TRERF1: variants seen among roughly 807,000 people sequenced by gnomAD.
The protein encoded by TRERF1 is transcriptional-regulating factor 1.
TRERF1 carries 27 observed loss-of-function variants against 122.9 expected under a neutral mutation model. The observed-to-expected ratio is 0.22, with a 90% CI of 0.16 to 0.30. The LOEUF (loss-of-function observed/expected upper bound fraction) is 0.30, where lower values mean the gene tolerates loss of function less well. Ranked by LOEUF, TRERF1 falls within the 10% of genes least tolerant of loss-of-function variation. The pLI, the probability that TRERF1 is intolerant of heterozygous loss-of-function variation, is 1.00. For synonymous variants in TRERF1, 636 were observed against 641.7 expected (o/e 0.99, Z 0.13); for missense variants, 1,248 against 1,560.3 (o/e 0.80, Z 3.37).
intron 3 of TRERF1, among the ~76,000 whole-genome samples, chr6:42,339,831 T>G (rs1186336703): frequency 1.3e-5 from 2 of 152,238 alleles, no homozygotes; most frequent in Non-Finnish European, 2.9e-5. Context: ...ACACTACCTG[T>G]GGCTGAGCCC....
chr6:42,392,000 G>A (rs1181734695), intron 2 of TRERF1, among the ~76,000 whole-genome samples: 1 of 152,202 alleles, frequency 6.6e-6, no homozygotes, highest in East Asian at 1.9e-4. Context: ...AATCCAAACA[G>A]CTGAAGCCCA....
chr6:42,450,317 C>T (rs905095037), intron 2 of TRERF1, among the ~76,000 whole-genome samples: 1 of 152,202 alleles, frequency 6.6e-6, no homozygotes, highest in Non-Finnish European at 1.5e-5. Context: ...GCACCTGGAC[C>T]GGTTTTCAGG....
rs1003605314 is a variant in TRERF1 at position 42,259,514 on chromosome 6, G to A, written c.2094C>T (p.Leu698=). 2.2e-5 allele frequency: 36 copies of A among 1,612,770 alleles called. No individual in the cohort carries two copies. Among genetic ancestry groups the A allele is most frequent in the Non-Finnish European group, 2.8e-5 (33 of 1,179,756 alleles). ...GGGGCAGCTCGTGGGTGGGGTCCAG[G>A]AGCAGGTGGTCCCCGAGGACGCGCG... The change falls in exon 9 of 18, where the codon CTC becomes CTT. Residue 698 remains leucine (L), a synonymous_variant. Transcript: ENST00000372922. The surrounding 1 kb of genome is among the most constrained non-coding windows in gnomAD (Gnocchi z 4.9).
In TRERF1 at chr6:42,263,832, T is replaced by C. The variant is rs1386187853; in HGVS notation, c.1636-264A>G. 6.6e-6 allele frequency among the ~76,000 whole-genome samples: 1 copy of C among 152,236 alleles called. No homozygotes were observed. The highest frequency in any genetic ancestry group is 1.5e-5 in the Non-Finnish European group (1 of 68,036). On this transcript the variant is annotated intron_variant, in intron 7 of 17. Coordinates refer to ENST00000372922, the Ensembl canonical transcript of TRERF1. This position sits in a 1 kb window ranked among gnomAD's most constrained non-coding sequence, Gnocchi z 5.6. The stretch of plus-strand genomic sequence containing the variant: ...AAACTATTTTAAAAAAATTGTGTGG[T>C]TGTCATGCTTTTAAAGAAAGGGACA...
At chr6:42,320,918 T>G (rs562027733) in intron 3 of TRERF1, among the ~76,000 whole-genome samples, 4 of 151,950 alleles carry the variant, frequency 2.6e-5, no homozygotes, top group Non-Finnish European at 5.9e-5. Context: ...ATATGGAAGA[T>G]TAGAAACTGA....
intron 2 of TRERF1, among the ~76,000 whole-genome samples, chr6:42,408,261 GTGTGTATGTATATATACATACACA>G (rs1562152899): frequency 7.6e-6 from 1 of 131,544 alleles, no homozygotes; most frequent in African/African-American, 2.9e-5. Context: ...ATACACATGT[GTGTGTATGTATATATACATACACA>G]TGTGTGTGTA....
At chr6:42,310,909 G>C (rs1336466227) in intron 3 of TRERF1, among the ~76,000 whole-genome samples, 1 of 152,190 alleles carries the variant, frequency 6.6e-6, no homozygotes, top group African/African-American at 2.4e-5. Context: ...CCAATCCCAA[G>C]GGCAAGGCAA....
chr6:42,402,420 G>T (rs991205655), intron 2 of TRERF1, among the ~76,000 whole-genome samples: 2 of 152,146 alleles, frequency 1.3e-5, no homozygotes, highest in Non-Finnish European at 2.9e-5. Context: ...CGGGTGCAGG[G>T]CTGTGAGCCT....
At chr6:42,406,246 C>G (rs1780162225) in intron 2 of TRERF1, among the ~76,000 whole-genome samples, 1 of 152,188 alleles carries the variant, frequency 6.6e-6, no homozygotes. Context: ...CAACTGCTTC[C>G]CGAAAATCAG....
At chr6:42,251,339 T>G (rs1775781209) in intron 13 of TRERF1, among the ~76,000 whole-genome samples, 1 of 152,198 alleles carries the variant, frequency 6.6e-6, no homozygotes, top group African/African-American at 2.4e-5. Flanking sequence ...ACATGTTCAT[T>G]GCAGAAAAAG....
chr6:42,228,056 A>C lies in TRERF1; in HGVS notation c.*289T>G, dbSNP rs1012701106. 2.5e-5 allele frequency: 7 copies of C among 285,140 alleles called. No homozygotes were observed. The highest frequency in any genetic ancestry group is 4.5e-5 in the Non-Finnish European group (7 of 154,154). 17.7% of individuals were successfully genotyped at this position (285,140 alleles called of 1,614,324 possible). ...TGACATCTGAATGCAATGGAACATG[A>C]AGGTCAGCTTCAGTCCCTACTGGGA... On this transcript the variant is annotated 3_prime_UTR_variant, in exon 18 of 18. Coordinates refer to ENST00000372922, the Ensembl canonical transcript of TRERF1. This position sits in a 1 kb window ranked among gnomAD's most constrained non-coding sequence, Gnocchi z 4.2.
intron 2 of TRERF1, among the ~76,000 whole-genome samples, chr6:42,407,770 A>T (rs771777708): frequency 1.2e-4 from 19 of 152,046 alleles, no homozygotes; most frequent in Non-Finnish European, 2.8e-4. Context: ...ACAGAGAAAA[A>T]AAAAACCTAA....
chr6:42,349,396 C>A (rs1768966521), intron 3 of TRERF1, among the ~76,000 whole-genome samples: 1 of 151,940 alleles, frequency 6.6e-6, no homozygotes, highest in South Asian at 2.1e-4. Flanking sequence ...AATACATTTT[C>A]TTCTTCTGCT....
At chr6:42,429,908 G>A (rs542340728) in intron 2 of TRERF1, among the ~76,000 whole-genome samples, 2 of 152,274 alleles carry the variant, frequency 1.3e-5, no homozygotes, top group African/African-American at 2.4e-5. Flanking sequence ...CTGGAGAGGT[G>A]AGGAAAGCCC....
chr6:42,265,907 T>G (rs1205814285), intron 5 of TRERF1, 110 bp from the exon 6 acceptor site: 1 of 1,153,864 alleles, frequency 8.7e-7, no homozygotes, highest in African/African-American at 1.5e-5. Context: ...GGACTCTTTC[T>G]GCTGTCTGCT....
Position 42,329,754 on chromosome 6 carries a change from G to T in TRERF1, c.-370-29005C>A, listed in dbSNP as rs560927195. ...GGCTGTAATCCCAGCACTTTGGGAG[G>T]CTGAGGTGGGCGGATCATGAGGTCA... On this transcript the variant is annotated intron_variant, in intron 3 of 17. Coordinates refer to ENST00000372922, the Ensembl canonical transcript of TRERF1. Among the ~76,000 whole-genome samples, 9 of 152,290 alleles carry T rather than the reference G, an allele frequency of 5.9e-5. No homozygotes were observed. The East Asian group carries it at 9.6e-4, about 16-fold the overall frequency.
chr6:42,437,110 C>G lies in TRERF1; in HGVS notation c.-454+14067G>C, dbSNP rs560480929. ...TTCTGCTAGTTAATCTTCCTAATAACCAAGTAGATGTGACCACCTCAGGAA... is the reference window on the plus strand; with the variant it reads ...TTCTGCTAGTTAATCTTCCTAATAAGCAAGTAGATGTGACCACCTCAGGAA... On this transcript the variant is annotated intron_variant, in intron 2 of 17. Transcript: ENST00000372922. 5.3e-5 allele frequency among the ~76,000 whole-genome samples: 8 copies of G among 152,138 alleles called. No individual in the cohort carries two copies. In the East Asian group the frequency reaches 1.5e-3, roughly 29 times the overall value.
intron 3 of TRERF1, among the ~76,000 whole-genome samples, chr6:42,311,531 G>A (rs1056020316): frequency 2.6e-5 from 4 of 152,110 alleles, no homozygotes; most frequent in African/African-American, 4.8e-5. Context: ...TTGGGAGGCC[G>A]AGGTGGGTGG....
rs142918065 is a variant in TRERF1 at position 42,296,330 on chromosome 6, C to T, written c.-259+4308G>A. 5.9e-3 allele frequency among the ~76,000 whole-genome samples: 900 copies of T among 152,342 alleles called. 5 individuals are homozygous for T. Among genetic ancestry groups the T allele is most frequent in the African/African-American group, 0.021 (866 of 41,578 alleles). On this transcript the variant is annotated intron_variant, in intron 4 of 17. Transcript: ENST00000372922. ...CCACATTTACATTAGATTTCTGCCT[C>T]CATTTTAATCTCATTTTATAAACTG...
Sources: gnomAD v4.1 joint callset for allele counts (sites outside exome capture counted in the v4.1 genomes callset) on GRCh38, gnomAD v4.1.1 for gene constraint, Gnocchi (gnomAD v3.1) non-coding constraint, MANE v1.5 for transcripts, NCBI Gene and HGNC (gene_info 2026-07-23, HGNC 2026-07-21) for gene names.